The following VPS37C variants were observed in gnomAD, a reference collection of about 807,000 sequenced individuals.
The protein encoded by VPS37C is VPS37C subunit of ESCRT-I, also known as vacuolar protein sorting-associated protein 37C.
Under a neutral mutation model 16.1 loss-of-function variants are expected in VPS37C, and 9 were observed. The ratio of observed to expected loss-of-function variants is 0.56; its 90% CI spans 0.34 to 0.97. VPS37C has a LOEUF of 0.97. VPS37C is among the 50% of genes least tolerant of loss of function. VPS37C has a pLI of 0.02. For synonymous variants in VPS37C, 207 were observed against 206.4 expected (o/e 1.00, Z -0.02); for missense variants, 479 against 472.7 (o/e 1.01, Z -0.12).
intron 1 of VPS37C, among the ~76,000 whole-genome samples, chr11:61,147,566 G>A (rs549516903): frequency 1.5e-3 from 227 of 151,888 alleles, no homozygotes; most frequent in Non-Finnish European, 2.1e-3. Context: ...TTCAAACTTG[G>A]GGCAGCCTTC....
chr11:61,147,772 G>A (rs1279555245), intron 1 of VPS37C, among the ~76,000 whole-genome samples: 1 of 151,500 alleles, frequency 6.6e-6, no homozygotes, highest in African/African-American at 2.4e-5. Context: ...AGTGTGGCAT[G>A]CCAGCCCTAG....
chr11:61,158,621 T>C (rs1351757997), intron 1 of VPS37C, among the ~76,000 whole-genome samples: 1 of 152,198 alleles, frequency 6.6e-6, no homozygotes, highest in African/African-American at 2.4e-5. Context: ...TGGGACCAGA[T>C]AAATCAGCGG....
intron 1 of VPS37C, among the ~76,000 whole-genome samples, chr11:61,158,211 G>A (rs1393820979): frequency 1.3e-5 from 2 of 152,224 alleles, no homozygotes; most frequent in Non-Finnish European, 2.9e-5. Context: ...ATTAACAGCA[G>A]AGCTTCAAAA....
intron 1 of VPS37C, among the ~76,000 whole-genome samples, chr11:61,160,469 G>A (rs1409220592): frequency 6.6e-6 from 1 of 152,162 alleles, no homozygotes; most frequent in Non-Finnish European, 1.5e-5. Flanking sequence ...TAGGAAATGG[G>A]ACTCCTGGAG....
chr11:61,158,558 A>G (rs1853414924), intron 1 of VPS37C, among the ~76,000 whole-genome samples: 1 of 152,264 alleles, frequency 6.6e-6, no homozygotes, highest in Non-Finnish European at 1.5e-5. Flanking sequence ...AGGAGAATAA[A>G]GTAATCCTAT....
chr11:61,137,209 G>A (rs1011613804), intron 2 of VPS37C, among the ~76,000 whole-genome samples: 2 of 152,000 alleles, frequency 1.3e-5, no homozygotes, highest in East Asian at 1.9e-4. Context: ...TCCATGTCCC[G>A]AACTAATAGA....
At position 61,133,335 on chromosome 11, in the gene VPS37C, T is replaced by C. The variant is rs148653205; in HGVS notation, c.268A>G (p.Lys90Glu). Residue 90 changes from lysine (K) to glutamate (E), a missense_variant and splice_region_variant, in exon 4 of 5, where the codon AAA becomes GAA. Lys to Glu is a moderately conservative substitution (Grantham distance 56). Transcript: ENST00000301765. ...CCTGGCTGCAGTGCTGAAGAAAATTTCTCTGGAAGGGAGGGCAGAACGACT... is the reference window on the plus strand; with the variant it reads ...CCTGGCTGCAGTGCTGAAGAAAATTCCTCTGGAAGGGAGGGCAGAACGACT... ...RCQEQKAKLEKFSSALQPGTL... is the reference protein window; with the variant it reads ...RCQEQKAKLEEFSSALQPGTL... 47 of 1,614,052 alleles carry C rather than the reference T, an allele frequency of 2.9e-5. No individual in the cohort carries two copies. In the African/African-American group the frequency reaches 5.6e-4, roughly 19 times the overall value.
chr11:61,155,145 C>T (rs1258847982), intron 1 of VPS37C, among the ~76,000 whole-genome samples: 1 of 147,372 alleles, frequency 6.8e-6, no homozygotes, highest in Non-Finnish European at 1.5e-5. Context: ...GAAAGAAAAG[C>T]AGTTATAAGG....
intron 2 of VPS37C, among the ~76,000 whole-genome samples, chr11:61,137,699 G>A (rs1861403980): frequency 6.6e-6 from 1 of 152,156 alleles, no homozygotes; most frequent in African/African-American, 2.4e-5. Flanking sequence ...TCCTTGCTGA[G>A]GACTAAAAAA....
chr11:61,154,447 G>C (rs1297604119), intron 1 of VPS37C, among the ~76,000 whole-genome samples: 1 of 151,992 alleles, frequency 6.6e-6, no homozygotes, highest in African/African-American at 2.4e-5. Flanking sequence ...ATACTGAAAG[G>C]TAATATCAGC....
At chr11:61,154,290 C>T (rs1853346695) in intron 1 of VPS37C, among the ~76,000 whole-genome samples, 1 of 152,054 alleles carries the variant, frequency 6.6e-6, no homozygotes, top group Non-Finnish European at 1.5e-5. Flanking sequence ...AATTAGTAGG[C>T]AAGGACATTA....
Position 61,133,475 on chromosome 11 carries a change from T to C in VPS37C, c.266-138A>G, listed in dbSNP as rs938910197. 9 of 805,136 alleles carry C rather than the reference T, an allele frequency of 1.1e-5. No homozygotes were observed. The Admixed American group carries it at 1.9e-4, about 17-fold the overall frequency. The allele number at this position is 805,136 out of a possible 1,614,324, so 49.9% of individuals were successfully genotyped here. A position where few individuals can be genotyped will look rare whatever the true frequency, so the allele number is the denominator to read the frequency against. On this transcript the variant is annotated intron_variant, in intron 3 of 4. Coordinates refer to ENST00000301765, the MANE Select transcript of VPS37C (RefSeq NM_017966.5). Reference sequence around the variant, plus strand: ...ACCAAAGGGTCCTTCTGGGTGGGCTTGATGAGCACTTTTGGTCCAGTTCCT... The same window carrying C: ...ACCAAAGGGTCCTTCTGGGTGGGCTCGATGAGCACTTTTGGTCCAGTTCCT...
intron 1 of VPS37C, among the ~76,000 whole-genome samples, chr11:61,150,212 C>G (rs1384599859): frequency 6.6e-6 from 1 of 152,198 alleles, no homozygotes; most frequent in Admixed American, 6.5e-5. Flanking sequence ...GTGGGTCCCC[C>G]CCACCCCTGA....
rs776790133 is a variant in VPS37C, at chr11:61,133,346, G to T, written c.266-9C>A. 2.0e-5 allele frequency: 32 copies of T among 1,613,786 alleles called. No homozygotes were observed. In the South Asian group the frequency reaches 3.0e-4, roughly 15 times the overall value. ...TGCTGAAGAAAATTTCTCTGGAAGGGAGGGCAGAACGACTGACATTTGAAA... is the reference window on the plus strand; with the variant it reads ...TGCTGAAGAAAATTTCTCTGGAAGGTAGGGCAGAACGACTGACATTTGAAA... On this transcript the variant is annotated splice_polypyrimidine_tract_variant and intron_variant, in intron 3 of 4. Transcript: ENST00000301765.
At chr11:61,155,684 G>C (rs1244518315) in intron 1 of VPS37C, among the ~76,000 whole-genome samples, 2 of 152,044 alleles carry the variant, frequency 1.3e-5, no homozygotes, top group African/African-American at 2.4e-5. Flanking sequence ...CCCAAAAGCT[G>C]AAAGAATCCA....
intron 1 of VPS37C, among the ~76,000 whole-genome samples, chr11:61,151,622 C>T (rs1853299755): frequency 6.6e-6 from 1 of 152,182 alleles, no homozygotes; most frequent in Non-Finnish European, 1.5e-5. Context: ...TAAACAGTCG[C>T]TCGTGATTTC....
chr11:61,137,343 CG>C (rs1861395371), intron 2 of VPS37C, among the ~76,000 whole-genome samples: 1 of 152,196 alleles, frequency 6.6e-6, no homozygotes, highest in African/African-American at 2.4e-5. Context: ...ACCTGATCCA[CG>C]AGTGTTTTTT....
Position 61,132,372 on chromosome 11 carries a change from T to C in VPS37C, c.516A>G (p.Pro172=). The change falls in exon 5 of 5, where the codon CCA becomes CCG. Residue 172 remains proline, a synonymous_variant. Transcript: ENST00000301765. ...ASQELAGDAP[P]PRPPPPVRPV... ...GGCGCACCGGGGGTGGTGGACGGGG[T>C]GGAGGGGCATCGCCGGCCAGCTCCT... is the stretch of plus-strand genomic sequence containing the variant. The C allele has an allele frequency of 6.3e-7, 1 of 1,598,298 alleles. No homozygotes were observed. Among genetic ancestry groups the C allele is most frequent in the Non-Finnish European group, 8.5e-7 (1 of 1,172,660 alleles).
chr11:61,160,322 A>G (rs1853451418), intron 1 of VPS37C, among the ~76,000 whole-genome samples: 2 of 152,198 alleles, frequency 1.3e-5, no homozygotes, highest in Non-Finnish European at 2.9e-5. Flanking sequence ...TACAGAGTTC[A>G]GGTGTCTGCA....
Sources: gnomAD v4.1 joint callset for allele counts (sites outside exome capture counted in the v4.1 genomes callset) on GRCh38, gnomAD v4.1.1 for gene constraint, MANE v1.5 for transcripts, NCBI Gene and HGNC (gene_info 2026-07-23, HGNC 2026-07-21) for gene names.